RYR2: variants seen among roughly 807,000 people sequenced by gnomAD.
RYR2 encodes ryanodine receptor 2.
Under a neutral mutation model 601.1 loss-of-function variants are expected in RYR2, and 227 were observed. The observed-to-expected ratio is 0.38, with a 90% CI of 0.34 to 0.42. The LOEUF (loss-of-function observed/expected upper bound fraction) is 0.42, where lower values mean the gene tolerates loss of function less well. RYR2 is among the 10% of genes least tolerant of loss of function. The pLI is 1.00. For missense variants in RYR2, 4,646 were observed against 6,156.5 expected (o/e 0.75, Z 8.21); for synonymous variants, 2,223 against 2,175.1 (o/e 1.02, Z -0.61).
intron 17 of RYR2, among the ~76,000 whole-genome samples, chr1:237,481,724 C>T (rs562275541): frequency 6.6e-6 from 1 of 151,208 alleles, no homozygotes; most frequent in African/African-American, 2.4e-5. Context: ...ACAGAACCCT[C>T]TCAGATGCAC....
chr1:237,476,245 C>T (rs1661382126), intron 17 of RYR2, among the ~76,000 whole-genome samples: 2 of 152,128 alleles, frequency 1.3e-5, no homozygotes, highest in Non-Finnish European at 2.9e-5. Flanking sequence ...CGTGGTGGCT[C>T]ATGCCTGTAA....
chr1:237,788,698 A>G (rs1427615021), intron 92 of RYR2, among the ~76,000 whole-genome samples: 3 of 152,230 alleles, frequency 2.0e-5, no homozygotes, highest in Non-Finnish European at 2.9e-5. Context: ...TCTATTCAAA[A>G]TTGTTCTTTA....
intron 1 of RYR2, among the ~76,000 whole-genome samples, chr1:237,127,438 A>G (rs1398403979): frequency 6.2e-5 from 9 of 145,122 alleles, no homozygotes; most frequent in East Asian, 4.4e-4. Context: ...TCCCTCCCAG[A>G]AGGGGGCGGC....
At chr1:237,118,777 T>C (rs890930765) in intron 1 of RYR2, among the ~76,000 whole-genome samples, 7 of 152,068 alleles carry the variant, frequency 4.6e-5, no homozygotes, top group Admixed American at 2.6e-4. Flanking sequence ...AGTGATACCA[T>C]GTTTAGTTAC....
Position 237,427,518 on chromosome 1 carries a change from C to T in RYR2, c.1005+4270C>T, listed in dbSNP as rs115778109. Among the ~76,000 whole-genome samples the T allele has an allele frequency of 1.2e-3, 185 of 152,078 alleles. 1 individual carries two copies. Among genetic ancestry groups the T allele is most frequent in the African/African-American group, 3.9e-3 (161 of 41,490 alleles). On this transcript the variant is annotated intron_variant, in intron 12 of 104. Transcript: ENST00000366574. ...CAAGAAAATACAAACAGGCCAGGTG[C>T]GGTGGCTCACTCCCAGCACTTTGGG...
At chr1:237,777,306 G>A (rs751973135) in intron 87 of RYR2, among the ~76,000 whole-genome samples, 2 of 152,092 alleles carry the variant, frequency 1.3e-5, no homozygotes, top group Non-Finnish European at 2.9e-5. Flanking sequence ...CGTTCTCATA[G>A]TCATCTGAGA....
In RYR2 at chr1:237,650,075, G is replaced by C; in HGVS notation, c.7711G>C (p.Val2571Leu). Residue 2571 changes from valine (V) to leucine (L), a missense_variant, in exon 50 of 105, where the codon GTT becomes CTT. Physicochemically the swap from Val to Leu is conservative, Grantham distance 32. Transcript: ENST00000366574. The part of the protein sequence containing the change: ...LTKAQRDSIE[V>L]CLLSICGQLR... Reference sequence around the variant, plus strand: ...CAAAGCTCAGCGGGATTCCATAGAAGTTTGTTTACTCTCTATTTGTGGGTG... The same window carrying C: ...CAAAGCTCAGCGGGATTCCATAGAACTTTGTTTACTCTCTATTTGTGGGTG... 1.9e-6 allele frequency: 3 copies of C among 1,613,940 alleles called. No individual in the cohort carries two copies. Among genetic ancestry groups the C allele is most frequent in the Non-Finnish European group, 2.5e-6 (3 of 1,179,850 alleles).
At chr1:237,827,924 G>GCA (rs1438019578) in intron 101 of RYR2, among the ~76,000 whole-genome samples, 1,048 of 104,094 alleles carry the variant, frequency 0.01, 9 homozygotes, top group Admixed American at 0.016. Flanking sequence ...GTGACAGAAT[G>GCA]AGACTCCGTC....
At chr1:237,083,021 C>G (rs1279358438) in intron 1 of RYR2, among the ~76,000 whole-genome samples, 1 of 152,170 alleles carries the variant, frequency 6.6e-6, no homozygotes, top group Non-Finnish European at 1.5e-5. Context: ...TTTATAGTGA[C>G]TTGTTGCCCG....
intron 1 of RYR2, among the ~76,000 whole-genome samples, chr1:237,200,553 C>G (rs541225699): frequency 6.6e-6 from 1 of 152,208 alleles, no homozygotes; most frequent in Admixed American, 6.5e-5. Flanking sequence ...GCGTGAGCCA[C>G]TGCACCTGGC....
chr1:237,613,898 G>A, intron 36 of RYR2, 141 bp from the exon 37 acceptor site: 1 of 727,912 alleles, frequency 1.4e-6, no homozygotes, highest in South Asian at 2.0e-5. Context: ...AAGCATTTCA[G>A]ATTAGGGATG....
intron 25 of RYR2, among the ~76,000 whole-genome samples, chr1:237,541,726 A>G (rs1427562104): frequency 2.6e-5 from 4 of 152,124 alleles, no homozygotes; most frequent in Non-Finnish European, 5.9e-5. Context: ...GGGTAGATAA[A>G]GGAAAATTAC....
At chr1:237,082,381 A>G (rs576953243) in intron 1 of RYR2, among the ~76,000 whole-genome samples, 2 of 151,942 alleles carry the variant, frequency 1.3e-5, no homozygotes, top group Non-Finnish European at 2.9e-5. Flanking sequence ...GACATTTTTA[A>G]TGGTCTGGAA....
At chr1:237,395,222 T>C (rs529821939) in intron 10 of RYR2, among the ~76,000 whole-genome samples, 2 of 152,310 alleles carry the variant, frequency 1.3e-5, no homozygotes, top group South Asian at 4.1e-4. Context: ...ATAATTTTGG[T>C]AAAACTTAGA....
chr1:237,223,583 C>T (rs1000399258), intron 1 of RYR2, among the ~76,000 whole-genome samples: 4 of 152,248 alleles, frequency 2.6e-5, no homozygotes, highest in African/African-American at 9.6e-5. Context: ...TTGTGAGTCA[C>T]ATGACAAAAT....
chr1:237,487,396 G>A (rs1662801777), intron 17 of RYR2, among the ~76,000 whole-genome samples: 2 of 151,658 alleles, frequency 1.3e-5, no homozygotes, highest in Admixed American at 1.3e-4. Flanking sequence ...AAGCACATTT[G>A]CTGTTTATTT....
At chr1:237,724,247 A>G (rs1447408026) in intron 74 of RYR2, among the ~76,000 whole-genome samples, 1 of 146,800 alleles carries the variant, frequency 6.8e-6, no homozygotes, top group Non-Finnish European at 1.5e-5. Flanking sequence ...ATAGATGATA[A>G]ATTAAATTAT....
intron 98 of RYR2, among the ~76,000 whole-genome samples, chr1:237,804,821 A>G (rs1455298409): frequency 6.6e-6 from 1 of 152,210 alleles, no homozygotes; most frequent in Non-Finnish European, 1.5e-5. Flanking sequence ...ACACTGATTT[A>G]GTCAGTGAAT....
chr1:237,184,416 A>G (rs1679116898), intron 1 of RYR2, among the ~76,000 whole-genome samples: 1 of 152,286 alleles, frequency 6.6e-6, no homozygotes, highest in East Asian at 1.9e-4. Flanking sequence ...ATTACGGAAT[A>G]CAATTGACAA....
Sources: gnomAD v4.1 joint callset for allele counts (sites outside exome capture counted in the v4.1 genomes callset) on GRCh38, gnomAD v4.1.1 for gene constraint, MANE v1.5 for transcripts, NCBI Gene and HGNC (gene_info 2026-07-23, HGNC 2026-07-21) for gene names.